The following BEND7 variants were observed in gnomAD, a reference collection of about 807,000 sequenced individuals.
BEND7 encodes the protein BEN domain-containing protein 7.
A neutral mutation model predicts 50.9 loss-of-function variants in BEND7; 28 were observed. The ratio of observed to expected loss-of-function variants is 0.55; its 90% confidence interval spans 0.41 to 0.75. The LOEUF (loss-of-function observed/expected upper bound fraction) is 0.75. BEND7 is among the 30% of genes least tolerant of loss of function. BEND7 has a pLI of 0.00. For missense variants in BEND7, 477 were observed against 491.3 expected, an observed-to-expected ratio of 0.97 and a Z score of 0.28; for synonymous variants, 170 against 183.9, an observed-to-expected ratio of 0.92 and a Z score of 0.61.
At chr10:13,448,878 G>C (rs1837040217) in intron 7 of BEND7, among the ~76,000 whole-genome samples, 1 of 151,970 alleles carries the variant, frequency 6.6e-6, no homozygotes, top group South Asian at 2.1e-4. Flanking sequence ...GGGAGGCTGA[G>C]GCAGGAGAAT....
intron 6 of BEND7, among the ~76,000 whole-genome samples, chr10:13,456,265 C>T (rs113276869): frequency 1.3e-5 from 2 of 152,050 alleles, no homozygotes; most frequent in Non-Finnish European, 1.5e-5. Context: ...AAGAATTGTT[C>T]TGAGATACCG....
chr10:13,527,880 T>C (rs1002939924), intron 1 of BEND7: 1 of 978,730 alleles, frequency 1.0e-6, no homozygotes, highest in Non-Finnish European at 1.2e-6. Context: ...ATTTCTTTTC[T>C]TTCTTTTCTT....
In BEND7 at chr10:13,441,238, A is replaced by G. The variant is rs1416899281; in HGVS notation, c.*505T>C. The G allele has an allele frequency of 1.1e-6, 1 of 900,916 alleles. No individual in the cohort carries two copies. Among genetic ancestry groups the G allele is most frequent in the Admixed American group, 6.2e-5 (1 of 16,154 alleles). The allele number at this position is 900,916 out of a possible 1,614,324, so 55.8% of individuals were successfully genotyped here. On this transcript the variant is annotated 3_prime_UTR_variant, in exon 9 of 9. Coordinates refer to ENST00000466271, the MANE Select transcript of BEND7 (RefSeq NM_001369863.1). ...AACATAGTAATTTTAAAAAATCTAA[A>G]TATTTACATATTAATAAAACATATA...
chr10:13,487,388 C>CTTTTTTTT (rs930230162), intron 5 of BEND7, among the ~76,000 whole-genome samples: 3 of 122,812 alleles, frequency 2.4e-5, no homozygotes, highest in African/African-American at 3.8e-5. Flanking sequence ...CTTTTCTTTT[C>CTTTTTTTT]TTTTTTTTTT....
intron 6 of BEND7, among the ~76,000 whole-genome samples, chr10:13,467,952 G>A (rs376227720): frequency 3.3e-4 from 51 of 152,240 alleles, no homozygotes; most frequent in East Asian, 1.5e-3. Flanking sequence ...AACATAAAAC[G>A]TGATCTCTGC....
At chr10:13,522,855 G>A (rs952678358) in intron 2 of BEND7, among the ~76,000 whole-genome samples, 4 of 152,164 alleles carry the variant, frequency 2.6e-5, no homozygotes, top group Non-Finnish European at 5.9e-5. Context: ...AGGTCACCTC[G>A]ACATCTCTAG....
chr10:13,467,822 C>A (rs924793101), intron 6 of BEND7, among the ~76,000 whole-genome samples: 4 of 152,154 alleles, frequency 2.6e-5, no homozygotes, highest in African/African-American at 9.7e-5. Context: ...TAAGAAACCA[C>A]CTTTTTCAGA....
chr10:13,500,713 G>T, intron 2 of BEND7: 4 of 985,562 alleles, frequency 4.1e-6, no homozygotes, highest in African/African-American at 1.7e-5. Context: ...ACAGAGAGGC[G>T]CCGAGTGTGG....
At chr10:13,468,149 T>C (rs138825467) in intron 6 of BEND7, among the ~76,000 whole-genome samples, 250 of 152,244 alleles carry the variant, frequency 1.6e-3, no homozygotes, top group African/African-American at 5.8e-3. Flanking sequence ...TCATCCTCCA[T>C]AGAAGTCATC....
At chr10:13,467,077 T>C (rs1431752277) in intron 6 of BEND7, among the ~76,000 whole-genome samples, 3 of 152,154 alleles carry the variant, frequency 2.0e-5, no homozygotes, top group Non-Finnish European at 4.4e-5. Context: ...GGGAAGATGC[T>C]GGGGCGTCAG....
intron 5 of BEND7, among the ~76,000 whole-genome samples, chr10:13,489,613 G>A (rs894134114): frequency 3.9e-5 from 6 of 152,210 alleles, no homozygotes; most frequent in South Asian, 2.1e-4. Flanking sequence ...TGGGGTGGAA[G>A]GATGCATTAA....
intron 2 of BEND7, among the ~76,000 whole-genome samples, chr10:13,505,871 A>ATT (rs753298649): frequency 6.6e-5 from 10 of 152,124 alleles, no homozygotes; most frequent in African/African-American, 1.2e-4. Context: ...CGTTCCATAA[A>ATT]CCTTTCTTAA....
At chr10:13,451,754 T>C (rs1353270495) in intron 7 of BEND7, among the ~76,000 whole-genome samples, 89 of 112,956 alleles carry the variant, frequency 7.9e-4, no homozygotes, top group East Asian at 1.1e-3. Flanking sequence ...ATGCTATCCC[T>C]CCCCCTCCCC....
chr10:13,496,917 T>C (rs748615774), intron 3 of BEND7, 29 bp from the exon 4 acceptor site: 15 of 1,062,702 alleles, frequency 1.4e-5, no homozygotes, highest in Middle Eastern at 3.3e-4. Flanking sequence ...AATGACATAC[T>C]CCAAACAAAC....
intron 6 of BEND7, among the ~76,000 whole-genome samples, chr10:13,479,798 T>C (rs1161926463): frequency 8.5e-6 from 1 of 117,432 alleles, no homozygotes; most frequent in Non-Finnish European, 1.9e-5. Flanking sequence ...TCTCTGTTAA[T>C]GAAGGCTTAT....
chr10:13,526,119 A>G lies in BEND7; in HGVS notation c.145+19T>C, dbSNP rs1304011169. On this transcript the variant is annotated intron_variant, in intron 2 of 8. Transcript: ENST00000466271. Reference sequence around the variant, plus strand: ...GGTCACGATGTTTTGCTGAGGTATTAATTGACATAGGAACCTACCTAAAAA... The same window carrying G: ...GGTCACGATGTTTTGCTGAGGTATTGATTGACATAGGAACCTACCTAAAAA... The G allele has an allele frequency of 8.1e-7, 1 of 1,240,848 alleles. No homozygotes were observed. The highest frequency in any genetic ancestry group is 1.3e-5 in the South Asian group (1 of 77,850). The allele number at this position is 1,240,848 out of a possible 1,614,324, so 76.9% of individuals were successfully genotyped here. A position where few individuals can be genotyped will look rare whatever the true frequency, so the allele number is the denominator to read the frequency against.
Position 13,447,446 on chromosome 10 carries a change from G to T in BEND7, c.1184-130C>A. 1.4e-5 allele frequency: 11 copies of T among 813,514 alleles called. No individual in the cohort carries two copies. In the South Asian group the frequency reaches 1.5e-4, roughly 11 times the overall value. The allele number at this position is 813,514 out of a possible 1,614,324, so 50.4% of individuals were successfully genotyped here. ...TTTTCACCATTCTTTTCTGTTTTCA[G>T]CTACCGTTGGTTCATATTACAGATG... On this transcript the variant is annotated intron_variant, in intron 7 of 8. Transcript: ENST00000466271.
chr10:13,468,374 A>G (rs940360277), intron 6 of BEND7, among the ~76,000 whole-genome samples: 1 of 152,226 alleles, frequency 6.6e-6, no homozygotes, highest in Non-Finnish European at 1.5e-5. Flanking sequence ...GGAGAACAGC[A>G]TAACACAGAG....
At chr10:13,509,381 T>C (rs1026826897) in intron 2 of BEND7, among the ~76,000 whole-genome samples, 1 of 152,118 alleles carries the variant, frequency 6.6e-6, no homozygotes, top group Non-Finnish European at 1.5e-5. Context: ...CACAGTTACA[T>C]GTTTGCCAGC....
Sources: allele counts gnomAD v4.1 joint callset (sites outside exome capture counted in the v4.1 genomes callset), GRCh38; gene constraint gnomAD v4.1.1; transcripts MANE v1.5; gene names NCBI Gene and HGNC (gene_info 2026-07-23, HGNC 2026-07-21).